Variants in OCLN observed in about 807,000 individuals in gnomAD.
The protein encoded by OCLN is occludin, also known as phosphatase 1, regulatory subunit 115.
Under a neutral mutation model 47.9 loss-of-function variants are expected in OCLN, and 21 were observed. The ratio of observed to expected loss-of-function variants is 0.44; its 90% CI spans 0.31 to 0.63. OCLN has a LOEUF of 0.63. OCLN is among the 30% of genes least tolerant of loss of function. OCLN has a pLI of 0.08. For missense variants in OCLN, 360 were observed against 571.0 expected (o/e 0.63, Z 3.77); for synonymous variants, 117 against 198.4 (o/e 0.59, Z 3.45).
intron 4 of OCLN, among the ~76,000 whole-genome samples, chr5:69,524,616 G>C (rs943832160): frequency 5.3e-5 from 8 of 152,164 alleles, no homozygotes; most frequent in Non-Finnish European, 1.0e-4. Flanking sequence ...TTTCACAGCA[G>C]TTTATCCAGT....
chr5:69,492,661 T>C (rs1353020144), upstream of OCLN: 1 of 152,262 alleles, frequency 6.6e-6, no homozygotes, highest in Non-Finnish European at 1.5e-5. Flanking sequence ...ACGCAGCAGG[T>C]GGGACTCGCG....
chr5:69,528,573 G>A (rs1045200722), intron 4 of OCLN, among the ~76,000 whole-genome samples: 2 of 152,142 alleles, frequency 1.3e-5, no homozygotes, highest in African/African-American at 4.8e-5. Context: ...GGTACTTCAA[G>A]CCATGTTTGA....
chr5:69,549,341 A>C (rs1769796132), intron 7 of OCLN, among the ~76,000 whole-genome samples: 1 of 22,130 alleles, frequency 4.5e-5, no homozygotes, highest in African/African-American at 1.0e-4. Context: ...ACTCCATCTC[A>C]AAAAAAAAAA....
chr5:69,548,344 C>T (rs1341690922), intron 7 of OCLN, among the ~76,000 whole-genome samples: 7 of 144,556 alleles, frequency 4.8e-5, no homozygotes, highest in East Asian at 4.0e-4. Flanking sequence ...GGTGGAGTCT[C>T]GTTCTGTTGC....
At chr5:69,505,530 C>T (rs1008776264) in intron 2 of OCLN, among the ~76,000 whole-genome samples, 6 of 152,154 alleles carry the variant, frequency 3.9e-5, no homozygotes, top group Non-Finnish European at 8.8e-5. Context: ...GGAGAAATCA[C>T]GTAATATGTG....
rs916103079 is a variant in OCLN, at chr5:69,532,539, T to G, written c.892-2155T>G. 3.0e-4 allele frequency among the ~76,000 whole-genome samples: 45 copies of G among 152,246 alleles called. 1 individual carries two copies. Among genetic ancestry groups the G allele is most frequent in the South Asian group, 6.2e-4 (3 of 4,836 alleles). On this transcript the variant is annotated intron_variant, in intron 4 of 8. Coordinates refer to ENST00000396442, the MANE Select transcript of OCLN (RefSeq NM_001205254.2). ...CCTTTGCCTTAAAACAACTAAATGATTCATCTAGGATTAGCACTTGTTTGA... is the reference window on the plus strand; with the variant it reads ...CCTTTGCCTTAAAACAACTAAATGAGTCATCTAGGATTAGCACTTGTTTGA...
At chr5:69,524,806 C>G (rs889835072) in intron 4 of OCLN, among the ~76,000 whole-genome samples, 2 of 152,234 alleles carry the variant, frequency 1.3e-5, no homozygotes, top group African/African-American at 4.8e-5. Context: ...CCCACTTCAG[C>G]CTCCCAAGTA....
intron 1 of OCLN, among the ~76,000 whole-genome samples, chr5:69,495,665 A>G (rs1171687577): frequency 6.6e-6 from 1 of 152,188 alleles, no homozygotes; most frequent in African/African-American, 2.4e-5. Context: ...AATGATGGTC[A>G]AAATAGACAT....
At chr5:69,500,190 C>A (rs1768416440) in intron 1 of OCLN, among the ~76,000 whole-genome samples, 1 of 152,122 alleles carries the variant, frequency 6.6e-6, no homozygotes, top group African/African-American at 2.4e-5. Flanking sequence ...ATAAATGGTT[C>A]ATTCTTTTGT....
intron 4 of OCLN, among the ~76,000 whole-genome samples, chr5:69,520,400 A>G (rs552939156): frequency 4.0e-5 from 6 of 151,196 alleles, no homozygotes; most frequent in Admixed American, 1.3e-4. Flanking sequence ...TCCTGGGTTC[A>G]AGCGATTCTC....
At chr5:69,524,453 G>A (rs1217567746) in intron 4 of OCLN, among the ~76,000 whole-genome samples, 1 of 152,144 alleles carries the variant, frequency 6.6e-6, no homozygotes, top group Non-Finnish European at 1.5e-5. Context: ...ACATGATTTT[G>A]TTTTGGGTGT....
chr5:69,516,882 C>T (rs1320727500), intron 4 of OCLN, among the ~76,000 whole-genome samples: 4 of 151,844 alleles, frequency 2.6e-5, no homozygotes, highest in Non-Finnish European at 5.9e-5. Flanking sequence ...CATAATGGGA[C>T]CCTGTCTCTA....
At chr5:69,528,430 AT>A (rs1325468391) in intron 4 of OCLN, among the ~76,000 whole-genome samples, 1 of 150,492 alleles carries the variant, frequency 6.6e-6, no homozygotes, top group Non-Finnish European at 1.5e-5. Context: ...ACTCATAATA[AT>A]TTTGCATCAA....
At chr5:69,514,205 G>A in intron 4 of OCLN, 96 bp downstream of exon 4, 2 of 1,093,686 alleles carry the variant, frequency 1.8e-6, no homozygotes, top group Non-Finnish European at 2.7e-6. Flanking sequence ...TAGAATTAAT[G>A]TTTGTATATG....
intron 1 of OCLN, among the ~76,000 whole-genome samples, chr5:69,501,451 G>A (rs1181753821): frequency 2.0e-5 from 3 of 152,048 alleles, no homozygotes; most frequent in African/African-American, 4.8e-5. Flanking sequence ...GCAACATGGT[G>A]AAACCTTATC....
At position 69,509,204 on chromosome 5, in the gene OCLN, G is replaced by C; in HGVS notation, c.114G>C (p.Met38Ile). 1 of 1,614,040 alleles carries C rather than the reference G, an allele frequency of 6.2e-7. No individual in the cohort carries two copies. Among genetic ancestry groups the C allele is most frequent in the Non-Finnish European group, 8.5e-7 (1 of 1,179,892 alleles). ...IYGGEMHVRP[M>I]LSQPAYSFYP... The stretch of plus-strand genomic sequence containing the variant: ...GTGGAGAGATGCATGTTCGACCAAT[G>C]CTCTCTCAGCCAGCCTACTCTTTTT... The change falls in exon 3 of 9, where the codon ATG becomes ATC. Residue 38 changes from methionine to isoleucine, a missense_variant. Transcript: ENST00000396442.
chr5:69,495,607 A>C (rs1363368149), intron 1 of OCLN, among the ~76,000 whole-genome samples: 3 of 152,192 alleles, frequency 2.0e-5, no homozygotes, highest in Non-Finnish European at 4.4e-5. Flanking sequence ...TTGAGTACTC[A>C]TTGACAATCA....
chr5:69,515,537 G>C (rs1768922098), intron 4 of OCLN, among the ~76,000 whole-genome samples: 1 of 107,572 alleles, frequency 9.3e-6, no homozygotes, highest in African/African-American at 3.6e-5. Context: ...GCGGGGGGCT[G>C]ACCCCCCCCC....
At chr5:69,494,572 CTT>C (rs376033187) in intron 1 of OCLN, among the ~76,000 whole-genome samples, 3 of 151,634 alleles carry the variant, frequency 2.0e-5, no homozygotes, top group East Asian at 3.9e-4. Context: ...CAAAGCAACA[CTT>C]TTTTTTTGGT....
Sources: gnomAD v4.1 joint callset for allele counts (sites outside exome capture counted in the v4.1 genomes callset) on GRCh38, gnomAD v4.1.1 for gene constraint, MANE v1.5 for transcripts, NCBI Gene and HGNC (gene_info 2026-07-23, HGNC 2026-07-21) for gene names.